Variants in ZNF558 observed in about 807,000 individuals in gnomAD.
ZNF558 encodes zinc finger protein 558.
Under a neutral mutation model 37.6 loss-of-function variants are expected in ZNF558, and 23 were observed. That is an observed-to-expected ratio of 0.61 (90% CI 0.44 to 0.87). The LOEUF is 0.87. ZNF558 is among the 40% of genes least tolerant of loss of function. The pLI is 0.00. For missense variants in ZNF558, 429 were observed against 483.7 expected, an observed-to-expected ratio of 0.89 and a Z score of 1.06; for synonymous variants, 189 against 174.4, an observed-to-expected ratio of 1.08 and a Z score of -0.66.
At chr19:8,832,884 C>T (rs901891531), upstream of ZNF558, among the ~76,000 whole-genome samples, 4 of 151,108 alleles carry the variant, frequency 2.6e-5, no homozygotes, top group Admixed American at 2.0e-4. Context: ...CCGGGCCGGG[C>T]GGAGGGCGGG....
At position 8,809,207 on chromosome 19, in the gene ZNF558, G is replaced by GTCAAAAAGAAGCTCT. The variant is rs2043729750; in HGVS notation, c.*2059_*2073dup. ...CTGCACTTTGGTTTCTGTCATTGTG[G>GTCAAAAAGAAGCTCT]TCAAAAAGAAGCTCTTCAAACTCTA... is the stretch of plus-strand genomic sequence containing the variant. On this transcript the variant is annotated 3_prime_UTR_variant, in exon 10 of 10. Coordinates refer to ENST00000601372, the MANE Select transcript of ZNF558 (RefSeq NM_144693.3). 6.6e-6 allele frequency: 1 copy of GTCAAAAAGAAGCTCT among 152,186 alleles called. No homozygotes were observed. The highest frequency in any genetic ancestry group is 1.5e-5 in the Non-Finnish European group (1 of 68,052). The allele number at this position is 152,186 out of a possible 1,614,324, so 9.4% of individuals were successfully genotyped here. A position where few individuals can be genotyped will look rare whatever the true frequency, so the allele number is the denominator to read the frequency against.
intron 2 of ZNF558, among the ~76,000 whole-genome samples, chr19:8,827,931 T>C (rs1281834306): frequency 6.6e-6 from 1 of 152,158 alleles, no homozygotes; most frequent in Non-Finnish European, 1.5e-5. Flanking sequence ...GCAGGGAGCG[T>C]GGCAGCCTCT....
chr19:8,818,014 A>G (rs958147986), intron 7 of ZNF558, among the ~76,000 whole-genome samples: 41 of 152,226 alleles, frequency 2.7e-4, no homozygotes, highest in African/African-American at 9.9e-4. Context: ...ACACCACCCA[A>G]CAAGAGAATC....
upstream of ZNF558, among the ~76,000 whole-genome samples, chr19:8,835,282 C>T (rs2044443551): frequency 6.6e-6 from 1 of 152,100 alleles, no homozygotes; most frequent in Non-Finnish European, 1.5e-5. Flanking sequence ...GAACTCCTGA[C>T]CTCAAGTGAT....
chr19:8,829,309 G>A (rs2044299345), intron 2 of ZNF558, among the ~76,000 whole-genome samples: 1 of 151,958 alleles, frequency 6.6e-6, no homozygotes, highest in Non-Finnish European at 1.5e-5. Flanking sequence ...GCCAGGATTT[G>A]AACATTTAAT....
rs1372547518 is a variant in ZNF558 at position 8,810,455 on chromosome 19, G to C, written c.*826C>G. Reference sequence around the variant, plus strand: ...ATGAATCCCTGCTGATAGCACTGAAGGCTTTCTACAGCTGTTCCATTCTTC... The same window carrying C: ...ATGAATCCCTGCTGATAGCACTGAACGCTTTCTACAGCTGTTCCATTCTTC... On this transcript the variant is annotated 3_prime_UTR_variant, in exon 10 of 10. Transcript: ENST00000601372. 3 of 152,164 alleles carry C rather than the reference G, an allele frequency of 2.0e-5. No individual in the cohort carries two copies. Among genetic ancestry groups the C allele is most frequent in the Non-Finnish European group, 4.4e-5 (3 of 68,028 alleles). 9.4% of individuals were successfully genotyped at this position (152,164 alleles called of 1,614,324 possible).
Position 8,822,539 on chromosome 19 carries a change from C to T in ZNF558, c.31+90G>A. 6.3e-7 allele frequency: 1 copy of T among 1,587,264 alleles called. No homozygotes were observed. ...CCCTGGGGCTCCACTCCTGCCTCAC[C>T]TGCTCTGCCCAACCCCGCTCGTGTC... On this transcript the variant is annotated intron_variant, in intron 5 of 9. Coordinates refer to ENST00000601372, the MANE Select transcript of ZNF558 (RefSeq NM_144693.3). This position sits in a 1 kb window ranked among gnomAD's most constrained non-coding sequence, Gnocchi z 4.4.
chr19:8,812,693 A>C (rs2043825898), intron 8 of ZNF558, 50 bp from the exon 9 acceptor site: 1 of 1,259,964 alleles, frequency 7.9e-7, no homozygotes, highest in East Asian at 2.4e-5. Context: ...AGAAATGGAA[A>C]AGTGTACACA....
chr19:8,814,565 C>T (rs1397645852), intron 7 of ZNF558, among the ~76,000 whole-genome samples: 1 of 152,158 alleles, frequency 6.6e-6, no homozygotes, highest in Non-Finnish European at 1.5e-5. Context: ...CAAGCACATA[C>T]TCAGGGCTGG....
upstream of ZNF558, among the ~76,000 whole-genome samples, chr19:8,832,718 C>T (rs11672918): frequency 0.17 from 25,903 of 150,008 alleles, 2,742 homozygotes; most frequent in East Asian, 0.28. Flanking sequence ...GCCCAGTTCT[C>T]GGGGCGGATG....
At chr19:8,818,481 C>G (rs1196785420) in intron 7 of ZNF558, among the ~76,000 whole-genome samples, 1 of 151,970 alleles carries the variant, frequency 6.6e-6, no homozygotes, top group Non-Finnish European at 1.5e-5. Context: ...GTATTGGAAG[C>G]CTTAATATTG....
At chr19:8,821,670 A>G in intron 6 of ZNF558, 2 of 1,307,034 alleles carry the variant, frequency 1.5e-6, no homozygotes, top group African/African-American at 3.0e-5. Context: ...CATGGCAGAA[A>G]GCAGAGAAAT....
intron 2 of ZNF558, among the ~76,000 whole-genome samples, chr19:8,825,628 G>A (rs2044214030): frequency 6.6e-6 from 1 of 152,130 alleles, no homozygotes; most frequent in Admixed American, 6.5e-5. Flanking sequence ...CCAGCTTCTG[G>A]AGGTTTCCAT....
At chr19:8,834,839 C>G (rs1168695922), upstream of ZNF558, among the ~76,000 whole-genome samples, 2 of 151,816 alleles carry the variant, frequency 1.3e-5, no homozygotes, top group Non-Finnish European at 2.9e-5. Context: ...GATATGACAT[C>G]AAAAACAGGT....
At chr19:8,820,733 C>G (rs968714185) in intron 7 of ZNF558, among the ~76,000 whole-genome samples, 10 of 152,210 alleles carry the variant, frequency 6.6e-5, no homozygotes, top group African/African-American at 2.4e-4. Context: ...GCCTCGGCCT[C>G]CCAAAGTGCT....
chr19:8,814,193 C>CAAAGATGTAGAAAAAGATA (rs2043871181), intron 7 of ZNF558, among the ~76,000 whole-genome samples: 2 of 152,250 alleles, frequency 1.3e-5, no homozygotes, highest in Middle Eastern at 3.4e-3. Context: ...GACCTCTTTC[C>CAAAGATGTAGAAAAAGATA]CCTGCTTTTT....
chr19:8,829,403 T>C (rs1384388313), intron 2 of ZNF558, among the ~76,000 whole-genome samples: 1 of 152,220 alleles, frequency 6.6e-6, no homozygotes, highest in Non-Finnish European at 1.5e-5. Flanking sequence ...CTGGTTTCAC[T>C]GCACCACCAG....
chr19:8,829,234 T>C (rs1197687054), intron 2 of ZNF558, among the ~76,000 whole-genome samples: 2 of 151,292 alleles, frequency 1.3e-5, no homozygotes, highest in Admixed American at 1.3e-4. Flanking sequence ...TACTCCAGCC[T>C]GGGTAACAGA....
intron 2 of ZNF558, among the ~76,000 whole-genome samples, chr19:8,827,241 T>A (rs1418831536): frequency 6.6e-6 from 1 of 152,180 alleles, no homozygotes; most frequent in Admixed American, 6.5e-5. Context: ...CAACACAACT[T>A]CTGGTGATGA....
Sources: allele counts gnomAD v4.1 joint callset (sites outside exome capture counted in the v4.1 genomes callset), GRCh38; gene constraint gnomAD v4.1.1; non-coding constraint Gnocchi (gnomAD v3.1); transcripts MANE v1.5; gene names NCBI Gene and HGNC (gene_info 2026-07-23, HGNC 2026-07-21).